The following CFAP54 variants were observed in gnomAD, a reference collection of about 807,000 sequenced individuals.
The protein encoded by CFAP54 is cilia- and flagella-associated protein 54.
In CFAP54, 290 loss-of-function variants were observed where a neutral mutation model predicts 370.4. The ratio of observed to expected loss-of-function variants is 0.78; its 90% CI spans 0.71 to 0.86. The LOEUF is 0.86. Ranked by LOEUF, CFAP54 falls within the 40% of genes least tolerant of loss-of-function variation. The pLI is 0.00. For missense variants in CFAP54, 3,399 were observed against 3,528.7 expected (o/e 0.96, Z 0.93); for synonymous variants, 1,206 against 1,236.5 (o/e 0.98, Z 0.52).
intron 17 of CFAP54, among the ~76,000 whole-genome samples, chr12:96,555,315 G>A (rs1353603268): frequency 6.6e-6 from 1 of 151,894 alleles, no homozygotes; most frequent in African/African-American, 2.4e-5. Context: ...ATTGTATATA[G>A]AGCTAAATAG....
At chr12:96,627,425 TAAAATGATAGTG>T (rs1205922111) in intron 30 of CFAP54, among the ~76,000 whole-genome samples, 9 of 152,334 alleles carry the variant, frequency 5.9e-5, no homozygotes, top group Admixed American at 5.9e-4. Context: ...TGCTCCCAAA[TAAAATGATAGTG>T]CTTCACACCA....
At chr12:96,856,461 T>A (rs568991132) in intron 66 of CFAP54, among the ~76,000 whole-genome samples, 1 of 152,310 alleles carries the variant, frequency 6.6e-6, no homozygotes, top group Admixed American at 6.5e-5. Context: ...TTTTGCCAGA[T>A]ACCCTTAATT....
intron 17 of CFAP54, among the ~76,000 whole-genome samples, chr12:96,557,463 G>A (rs910004323): frequency 6.6e-6 from 1 of 152,054 alleles, no homozygotes; most frequent in African/African-American, 2.4e-5. Flanking sequence ...TTTCTTGAAC[G>A]TGTACACCAA....
Position 96,742,596 on chromosome 12 carries a change from T to A in CFAP54, c.7219+10T>A. 1 of 1,605,966 alleles carries A rather than the reference T, an allele frequency of 6.2e-7. No individual in the cohort carries two copies. The highest frequency in any genetic ancestry group is 8.5e-7 in the Non-Finnish European group (1 of 1,176,544). On this transcript the variant is annotated intron_variant, in intron 52 of 67. Transcript: ENST00000524981. ...ATTGGAATTGTGAAAGGTACAAACATTTGCTTAATCAATGTTTTCATAAAA... is the reference window on the plus strand; with the variant it reads ...ATTGGAATTGTGAAAGGTACAAACAATTGCTTAATCAATGTTTTCATAAAA...
At chr12:96,862,692 G>A (rs1313461152) in intron 67 of CFAP54, among the ~76,000 whole-genome samples, 1 of 152,180 alleles carries the variant, frequency 6.6e-6, no homozygotes, top group African/African-American at 2.4e-5. Flanking sequence ...AAAAATTGTT[G>A]CATGATGTCT....
chr12:96,594,117 T>C (rs1956151864), intron 24 of CFAP54, among the ~76,000 whole-genome samples, 174 bp from the exon 25 acceptor site: 2 of 152,190 alleles, frequency 1.3e-5, no homozygotes, highest in African/African-American at 2.4e-5. Context: ...GATCGTGCTA[T>C]CTATAGGTAG....
chr12:96,557,311 A>T (rs1023655194), intron 17 of CFAP54, among the ~76,000 whole-genome samples: 2 of 152,202 alleles, frequency 1.3e-5, no homozygotes, highest in African/African-American at 4.8e-5. Context: ...AATAAGACAA[A>T]TAACAAGACA....
At chr12:96,806,007 A>C (rs1194076836) in intron 63 of CFAP54, among the ~76,000 whole-genome samples, 1 of 150,946 alleles carries the variant, frequency 6.6e-6, no homozygotes, top group African/African-American at 2.4e-5. Flanking sequence ...ACAATGAATA[A>C]ACATGGACAT....
chr12:96,728,143 C>G (rs1957866358), intron 50 of CFAP54, among the ~76,000 whole-genome samples: 1 of 152,138 alleles, frequency 6.6e-6, no homozygotes, highest in Admixed American at 6.5e-5. Context: ...GTGAATCTGA[C>G]AATTATGTGT....
chr12:96,639,563 TC>T (rs765322881), intron 32 of CFAP54, among the ~76,000 whole-genome samples: 4 of 152,190 alleles, frequency 2.6e-5, no homozygotes, highest in Non-Finnish European at 4.4e-5. Flanking sequence ...GAGGGAATCC[TC>T]CCTAACTCAT....
chr12:96,742,255 G>A (rs1326932852), intron 51 of CFAP54, among the ~76,000 whole-genome samples, 184 bp from the exon 52 acceptor site: 2 of 152,196 alleles, frequency 1.3e-5, no homozygotes, highest in Non-Finnish European at 1.5e-5. Context: ...TTTCTGGATT[G>A]TGGGTGATTT....
intron 4 of CFAP54, among the ~76,000 whole-genome samples, chr12:96,512,105 G>A (rs1266880587): frequency 6.6e-6 from 1 of 151,708 alleles, no homozygotes; most frequent in Non-Finnish European, 1.5e-5. Context: ...ATGCTAGTAG[G>A]ACACACCTTG....
At chr12:96,551,912 A>G (rs1955698943) in intron 15 of CFAP54, among the ~76,000 whole-genome samples, 1 of 152,126 alleles carries the variant, frequency 6.6e-6, no homozygotes, top group African/African-American at 2.4e-5. Flanking sequence ...CAGATGGGTA[A>G]AAAAAGAAAG....
intron 60 of CFAP54, among the ~76,000 whole-genome samples, chr12:96,774,352 A>G (rs537225101): frequency 6.6e-6 from 1 of 152,242 alleles, no homozygotes; most frequent in Admixed American, 6.5e-5. Flanking sequence ...GATTTCTGTC[A>G]TAGTTAGAAA....
intron 66 of CFAP54, among the ~76,000 whole-genome samples, chr12:96,845,340 C>T (rs1041139936): frequency 1.5e-4 from 23 of 152,156 alleles, no homozygotes; most frequent in African/African-American, 5.3e-4. Context: ...AATCTTCATG[C>T]CTGTCGTGGC....
At chr12:96,825,477 TTATATAACA>T (rs1431885385) in intron 65 of CFAP54, among the ~76,000 whole-genome samples, 2 of 103,854 alleles carry the variant, frequency 1.9e-5, no homozygotes, top group Non-Finnish European at 3.7e-5. Context: ...ATTATATATA[TTATATAACA>T]TATATAACAT....
intron 50 of CFAP54, among the ~76,000 whole-genome samples, chr12:96,734,235 A>G (rs1957955678): frequency 2.0e-5 from 3 of 152,184 alleles, no homozygotes; most frequent in South Asian, 4.1e-4. Flanking sequence ...AAAAAAATCA[A>G]TTTAGTCTCT....
intron 62 of CFAP54, among the ~76,000 whole-genome samples, chr12:96,790,924 T>A (rs1420426469): frequency 3.9e-5 from 6 of 152,244 alleles, no homozygotes; most frequent in African/African-American, 1.4e-4. Context: ...ATTTCCGTTT[T>A]TATTTTATTT....
intron 63 of CFAP54, among the ~76,000 whole-genome samples, chr12:96,805,792 A>G (rs1044151686): frequency 3.9e-5 from 6 of 152,122 alleles, no homozygotes; most frequent in African/African-American, 7.2e-5. Flanking sequence ...CTGTACTTGT[A>G]TGTTTATTGC....
Sources: gnomAD v4.1 joint callset for allele counts (sites outside exome capture counted in the v4.1 genomes callset) on GRCh38, gnomAD v4.1.1 for gene constraint, MANE v1.5 for transcripts, NCBI Gene and HGNC (gene_info 2026-07-23, HGNC 2026-07-21) for gene names.